Variants in DIAPH2 observed in about 807,000 individuals in gnomAD.
The protein encoded by DIAPH2 is diaphanous related formin 2.
In DIAPH2, 35 loss-of-function variants were observed where a neutral mutation model predicts 92.7. That is an observed-to-expected ratio of 0.38 (90% CI 0.29 to 0.50). The LOEUF is 0.50. Among genes scored for constraint, DIAPH2 ranks in the 20% least tolerant of loss-of-function variants. DIAPH2 has a pLI of 0.94. For synonymous variants in DIAPH2, 301 were observed against 280.4 expected, an observed-to-expected ratio of 1.07 and a Z score of -0.73; for missense variants, 701 against 819.5, an observed-to-expected ratio of 0.86 and a Z score of 1.77.
In DIAPH2 at chrX:97,461,574, A is replaced by T. The variant is rs777828022; in HGVS notation, c.3241+31829A>T. On this transcript the variant is annotated intron_variant, in intron 26 of 26. Coordinates refer to ENST00000324765, the MANE Select transcript of DIAPH2 (RefSeq NM_006729.5). Reference sequence around the variant, plus strand: ...GACAAGCCTGAAGAAAGTGGATGGAACTAATTAGCACTCAGCATTATAAAA... The same window carrying T: ...GACAAGCCTGAAGAAAGTGGATGGATCTAATTAGCACTCAGCATTATAAAA... Among the ~76,000 whole-genome samples, 3 of 111,792 alleles carry T rather than the reference A, an allele frequency of 2.7e-5. No individual in the cohort carries two copies. In the South Asian group the frequency reaches 1.1e-3, roughly 42 times the overall value.
intron 4 of DIAPH2, among the ~76,000 whole-genome samples, chrX:96,835,038 C>T (rs947102800): frequency 4.5e-5 from 5 of 111,579 alleles, no homozygotes; most frequent in African/African-American, 1.6e-4. Context: ...GTGGAGAATA[C>T]AGAAAGAAAG....
At chrX:96,897,988 T>C (rs1436447539) in intron 5 of DIAPH2, among the ~76,000 whole-genome samples, 1 of 87,078 alleles carries the variant, frequency 1.1e-5, no homozygotes, top group Non-Finnish European at 2.2e-5. Flanking sequence ...TGGTTTTTTG[T>C]TCTTGCGATA....
In DIAPH2 at chrX:96,965,217, T is replaced by A. The variant is rs1468464863; in HGVS notation, c.2050+10T>A. On this transcript the variant is annotated intron_variant, in intron 17 of 26. Transcript: ENST00000324765. ...GCTACTCAGATAAAAGGTACATTTT[T>A]AAAAATAAAATATAAGTTCCCGATT... 8.0e-6 allele frequency: 9 copies of A among 1,125,323 alleles called. No individual in the cohort carries two copies. The highest frequency in any genetic ancestry group is 3.2e-5 in the East Asian group (1 of 30,785). 92.7% of individuals were successfully genotyped at this position (1,125,323 alleles called of 1,213,427 possible). A position where few individuals can be genotyped will look rare whatever the true frequency, so the allele number is the denominator to read the frequency against.
At chrX:97,470,493 A>C (rs1363227105) in intron 26 of DIAPH2, among the ~76,000 whole-genome samples, 1 of 111,235 alleles carries the variant, frequency 9.0e-6, no homozygotes. Context: ...GAATCATAGC[A>C]CAGTGATTTC....
chrX:96,985,636 A>G (rs2066026637), intron 17 of DIAPH2, among the ~76,000 whole-genome samples: 1 of 111,014 alleles, frequency 9.0e-6, no homozygotes, highest in African/African-American at 3.3e-5. Flanking sequence ...ATTCTAAACC[A>G]ATATTACTGT....
At position 97,185,421 on chromosome X, in the gene DIAPH2, A is replaced by ATG. The variant is rs1490680224; in HGVS notation, c.2719+43629_2719+43630dup. On this transcript the variant is annotated intron_variant, in intron 22 of 26. Transcript: ENST00000324765. ...TATATATATATATATGTATATATAT[A>ATG]TGTATATATATATGTGTATATATAT... 1.5e-3 allele frequency among the ~76,000 whole-genome samples: 76 copies of ATG among 50,391 alleles called. 4 individuals are homozygous for ATG. The highest frequency in any genetic ancestry group is 6.1e-3 in the East Asian group (10 of 1,631). 43.8% of individuals were successfully genotyped at this position (50,391 alleles called of 115,157 possible).
chrX:96,950,322 G>A (rs1241142285), intron 15 of DIAPH2, among the ~76,000 whole-genome samples: 1 of 111,204 alleles, frequency 9.0e-6, no homozygotes, highest in East Asian at 2.8e-4. Flanking sequence ...GTTCCAGCTC[G>A]TGATTAGCTA....
intron 25 of DIAPH2, among the ~76,000 whole-genome samples, chrX:97,402,510 A>G (rs1299037922): frequency 8.9e-6 from 1 of 112,061 alleles, no homozygotes; most frequent in Non-Finnish European, 1.9e-5. Context: ...TTCTTTAGAT[A>G]ACAAGTAAAC....
chrX:97,597,504 G>GTGTGGATGCCTGTTGAC (rs1183565567), intron 26 of DIAPH2, among the ~76,000 whole-genome samples: 1 of 111,148 alleles, frequency 9.0e-6, no homozygotes, highest in Non-Finnish European at 1.9e-5. Context: ...CTGAAGTGAA[G>GTGTGGATGCCTGTTGAC]TGTGGATGCC....
Position 96,731,335 on chromosome X carries a change from A to C in DIAPH2, c.133-4423A>C, listed in dbSNP as rs576869106. On this transcript the variant is annotated intron_variant, in intron 1 of 26. Coordinates refer to ENST00000324765, the MANE Select transcript of DIAPH2 (RefSeq NM_006729.5). ...GCCATTCTTGGAACGCAAGAAACTT[A>C]AGGAAGGTAAAGAGTTGACCCTTCA... Among the ~76,000 whole-genome samples the C allele has an allele frequency of 1.2e-4, 13 of 111,583 alleles. No individual in the cohort carries two copies. The South Asian group carries it at 3.8e-3, about 33-fold the overall frequency.
chrX:97,383,720 C>A (rs1286944359), intron 24 of DIAPH2, among the ~76,000 whole-genome samples, 189 bp from the exon 25 acceptor site: 2 of 109,484 alleles, frequency 1.8e-5, no homozygotes, highest in East Asian at 5.7e-4. Flanking sequence ...TGCTGTAATA[C>A]CTTCCCATCT....
intron 1 of DIAPH2, among the ~76,000 whole-genome samples, chrX:96,724,471 G>A (rs763156665): frequency 8.9e-5 from 10 of 111,964 alleles, no homozygotes; most frequent in Non-Finnish European, 1.1e-4. Flanking sequence ...CAAAGAAGAC[G>A]TCTCATACAC....
At chrX:97,047,542 C>CTTTTTTTTTT (rs5903064) in intron 17 of DIAPH2, among the ~76,000 whole-genome samples, 3 of 30,109 alleles carry the variant, frequency 1.0e-4, no homozygotes, top group African/African-American at 4.7e-4. Context: ...ATAAAATAGG[C>CTTTTTTTTTT]TTTTTTTTTT....
intron 17 of DIAPH2, among the ~76,000 whole-genome samples, chrX:96,977,115 T>C (rs1436355735): frequency 8.9e-6 from 1 of 111,934 alleles, no homozygotes; most frequent in Non-Finnish European, 1.9e-5. Flanking sequence ...TTTGTTGCAC[T>C]GTTAACTGAT....
chrX:97,445,727 C>T (rs1361067035), intron 26 of DIAPH2, among the ~76,000 whole-genome samples: 2 of 110,185 alleles, frequency 1.8e-5, no homozygotes, highest in Admixed American at 1.9e-4. Context: ...GGATTACAGG[C>T]GTGAGCCACC....
intron 25 of DIAPH2, among the ~76,000 whole-genome samples, chrX:97,384,410 G>C (rs1353923289): frequency 8.9e-6 from 1 of 112,075 alleles, no homozygotes; most frequent in Non-Finnish European, 1.9e-5. Context: ...GCACATGTCT[G>C]TTGGCAGTGC....
chrX:97,095,098 C>CT (rs61350837), intron 19 of DIAPH2, among the ~76,000 whole-genome samples: 281 of 22,386 alleles, frequency 0.013, 88 homozygotes, highest in Non-Finnish European at 0.019. Context: ...GTTTCTTTTT[C>CT]TTTTTTTTTT....
chrX:97,285,289 C>G (rs1402089976), intron 23 of DIAPH2, among the ~76,000 whole-genome samples: 1 of 104,150 alleles, frequency 9.6e-6, no homozygotes, highest in Non-Finnish European at 1.9e-5. Flanking sequence ...CCTGTAATCC[C>G]AGCACTTTGG....
Position 97,119,397 on chromosome X carries a change from A to G in DIAPH2, c.2589+4432A>G, listed in dbSNP as rs1235109893. On this transcript the variant is annotated intron_variant, in intron 21 of 26. Transcript: ENST00000324765. ...GGGGTTATCTGCACAAAGGCCTGTG[A>G]TGTGAACCATCTATGGGCCTCTCAG... Among the ~76,000 whole-genome samples, 17 of 111,396 alleles carry G rather than the reference A, an allele frequency of 1.5e-4. No individual in the cohort carries two copies. In the Admixed American group the frequency reaches 1.6e-3, roughly 11 times the overall value.
Sources: gnomAD v4.1 joint callset for allele counts (sites outside exome capture counted in the v4.1 genomes callset) on GRCh38, gnomAD v4.1.1 for gene constraint, MANE v1.5 for transcripts, NCBI Gene and HGNC (gene_info 2026-07-23, HGNC 2026-07-21) for gene names.